IGHMBP2: variants seen among roughly 807,000 people sequenced by gnomAD.
IGHMBP2 encodes immunoglobulin mu DNA binding protein 2.
In IGHMBP2, 81 loss-of-function variants were observed where a neutral mutation model predicts 96.0. The ratio of observed to expected loss-of-function variants is 0.84; its 90% CI spans 0.71 to 1.01. IGHMBP2 has a LOEUF of 1.01. Among genes scored for constraint, IGHMBP2 ranks in the 50% least tolerant of loss-of-function variants. IGHMBP2 has a pLI of 0.00. For missense variants in IGHMBP2, 1,227 were observed against 1,306.3 expected, an observed-to-expected ratio of 0.94 and a Z score of 0.94; for synonymous variants, 557 against 548.9, an observed-to-expected ratio of 1.01 and a Z score of -0.21.
intron 8 of IGHMBP2, among the ~76,000 whole-genome samples, chr11:68,931,346 A>C (rs1405725996): frequency 6.6e-6 from 1 of 152,100 alleles, no homozygotes; most frequent in Non-Finnish European, 1.5e-5. Context: ...CCACCTCAGA[A>C]GAGGCCAGGC....
chr11:68,935,417 G>A lies in IGHMBP2; in HGVS notation c.1751G>A (p.Arg584Lys). 6.2e-7 allele frequency: 1 copy of A among 1,614,002 alleles called. No homozygotes were observed. The highest frequency in any genetic ancestry group is 8.5e-7 in the Non-Finnish European group (1 of 1,180,032). The change falls in exon 12 of 15, where the codon AGG becomes AAG. Residue 584 changes from arginine to lysine, a missense_variant. Arg to Lys is a conservative substitution (Grantham distance 26). Around this residue, in one of 3 missense-constraint regions of IGHMBP2, gnomAD observed 703 missense variants for 770.3 expected, o/e 0.91. Transcript: ENST00000255078. ...ATACTGTCCTTCGTCAGATCCAACA[G>A]GAAAGGTACGGAGCCCTCGCCAGAG... ...AVILSFVRSNRKGEVGFLAED... is the reference protein window; with the variant it reads ...AVILSFVRSNKKGEVGFLAED...
At chr11:68,915,961 G>T (rs1252127841) in intron 6 of IGHMBP2, among the ~76,000 whole-genome samples, 1 of 151,440 alleles carries the variant, frequency 6.6e-6, no homozygotes, top group African/African-American at 2.4e-5. Context: ...AACAGTTGAG[G>T]TCAGGAGTTC....
rs759641927 is a variant in IGHMBP2 at position 68,929,278 on chromosome 11, T to C, written c.1156T>C (p.Trp386Arg). Residue 386 changes from tryptophan to arginine, a missense_variant, in exon 8 of 15, where the codon TGG (tryptophan) becomes CGG (arginine). Trp to Arg is a moderately radical substitution (Grantham distance 101, BLOSUM62 -3). Transcript: ENST00000255078. ...TGCCCAGGCCCTCGAGGCGAGCTGC[T>C]GGATCCCCCTGCTGAAGGCCAGAAA... ...ECAQALEASC[W>R]IPLLKARKCI... 71 of 1,613,726 alleles carry C rather than the reference T, an allele frequency of 4.4e-5. No homozygotes were observed. Among genetic ancestry groups the C allele is most frequent in the Non-Finnish European group, 5.8e-5 (69 of 1,180,026 alleles).
intron 6 of IGHMBP2, 85 bp from the exon 7 acceptor site, chr11:68,917,651 G>C (rs2154007470): frequency 8.9e-7 from 1 of 1,129,566 alleles, no homozygotes; most frequent in South Asian, 1.3e-5. Context: ...GAACTGGACT[G>C]AATGATAGAA....
rs1566446496 is a variant in IGHMBP2, at chr11:68,936,584, C to T, written c.2104C>T (p.Leu702=). 6.2e-7 allele frequency: 1 copy of T among 1,612,538 alleles called. No homozygotes were observed. The change falls in exon 13 of 15, where the codon CTG becomes TTG. Residue 702 remains leucine, a synonymous_variant. Coordinates refer to ENST00000255078, the MANE Select transcript of IGHMBP2 (RefSeq NM_002180.3). ...CCGGAAGAAGCCGGCTGGGAAGTCTCTGGCCTCTGAAGCTCCATCTCAGCC... is the reference window on the plus strand; with the variant it reads ...CCGGAAGAAGCCGGCTGGGAAGTCTTTGGCCTCTGAAGCTCCATCTCAGCC... ...QGRKKPAGKS[L]ASEAPSQPSL...
At chr11:68,937,228 T>G (rs1859582015) in intron 13 of IGHMBP2, 137 bp downstream of exon 13, 5 of 1,138,974 alleles carry the variant, frequency 4.4e-6, no homozygotes, top group Non-Finnish European at 2.5e-6. Context: ...TAGCTTTATT[T>G]TCAGTCATGC....
intron 8 of IGHMBP2, among the ~76,000 whole-genome samples, chr11:68,931,623 G>A (rs959427255): frequency 1.3e-5 from 2 of 152,272 alleles, no homozygotes; most frequent in East Asian, 3.9e-4. Context: ...GCTCCCACTG[G>A]CTTCATGGAG....
Position 68,938,300 on chromosome 11 carries a change from C to G in IGHMBP2, c.2730C>G (p.Gly910=), listed in dbSNP as rs139416105. ...AKCTAGVTTL[G]QFCQLCSRRY... is the part of the protein sequence containing the mutation. ...GCACAGCCGGCGTCACAACCCTGGG[C>G]CAGTTCTGCCAGCTCTGCAGCCGCC... Residue 910 remains glycine, a synonymous_variant, in exon 14 of 15, where the codon GGC becomes GGG. Coordinates refer to ENST00000255078, the MANE Select transcript of IGHMBP2 (RefSeq NM_002180.3). The G allele has an allele frequency of 2.1e-4, 337 of 1,612,802 alleles. 2 individuals are homozygous for G. In the African/African-American group the frequency reaches 4.1e-3, roughly 20 times the overall value.
In IGHMBP2 at chr11:68,932,933, G is replaced by A. The variant is rs1010949393; in HGVS notation, c.1236-366G>A. ...CTTTCCTCTGTCTATGAAGCCAGCC[G>A]TGTTACGTCTTCAAATCTCTCCCCT... On this transcript the variant is annotated intron_variant, in intron 8 of 14. Transcript: ENST00000255078. 1.9e-4 allele frequency: 62 copies of A among 331,958 alleles called. No homozygotes were observed. The Admixed American group carries it at 2.1e-3, about 11-fold the overall frequency. 20.6% of individuals were successfully genotyped at this position (331,958 alleles called of 1,614,324 possible). A position where few individuals can be genotyped will look rare whatever the true frequency, so the allele number is the denominator to read the frequency against.
At chr11:68,923,922 A>T (rs988380557) in intron 7 of IGHMBP2, among the ~76,000 whole-genome samples, 1 of 152,014 alleles carries the variant, frequency 6.6e-6, no homozygotes, top group African/African-American at 2.4e-5. Context: ...GTCGCCACAG[A>T]TTCTCAGCCT....
intron 8 of IGHMBP2, 136 bp from the exon 9 acceptor site, chr11:68,933,163 C>G (rs1385683921): frequency 2.2e-6 from 2 of 901,278 alleles, no homozygotes; most frequent in Non-Finnish European, 3.5e-6. Flanking sequence ...AAACCCGCCC[C>G]TTGGTTACTT....
chr11:68,905,663 T>C (rs1380725722), intron 1 of IGHMBP2, among the ~76,000 whole-genome samples: 1 of 152,210 alleles, frequency 6.6e-6, no homozygotes, highest in African/African-American at 2.4e-5. Flanking sequence ...TGCTTTTGAT[T>C]GGACGTGGAG....
chr11:68,923,959 A>G (rs1414686130), intron 7 of IGHMBP2, among the ~76,000 whole-genome samples: 1 of 152,110 alleles, frequency 6.6e-6, no homozygotes, highest in Admixed American at 6.5e-5. Context: ...GGAGCCTTCT[A>G]GGTTCTACCT....
At chr11:68,919,938 C>T (rs952165052) in intron 7 of IGHMBP2, among the ~76,000 whole-genome samples, 1 of 152,090 alleles carries the variant, frequency 6.6e-6, no homozygotes, top group African/African-American at 2.4e-5. Flanking sequence ...AATTTACCAT[C>T]GTAACCCTTT....
chr11:68,924,043 C>T (rs1352411794), intron 7 of IGHMBP2, among the ~76,000 whole-genome samples: 2 of 152,148 alleles, frequency 1.3e-5, no homozygotes, highest in Non-Finnish European at 2.9e-5. Flanking sequence ...GGCTCACCTC[C>T]TTTGTCTCTC....
rs770912338 is a variant in IGHMBP2 at position 68,929,233 on chromosome 11, G to A, written c.1111G>A (p.Val371Met). The A allele has an allele frequency of 2.9e-5, 47 of 1,613,712 alleles. 1 individual carries two copies. Among genetic ancestry groups the A allele is most frequent in the South Asian group, 3.3e-5 (3 of 91,096 alleles). The change falls in exon 8 of 15, where the codon GTG (valine) becomes ATG (methionine). Residue 371 changes from valine to methionine, a missense_variant. This residue lies in a region of IGHMBP2 where 507 missense variants were observed against 496.9 expected (regional missense o/e 1.02). Coordinates refer to ENST00000255078, the MANE Select transcript of IGHMBP2 (RefSeq NM_002180.3). The part of the protein sequence containing the change: ...LKLLPESYFD[V>M]VVIDECAQAL... ...GTTGCTGCCCGAGAGCTACTTCGAC[G>A]TGGTGGTCATTGACGAGTGTGCCCA... is the stretch of plus-strand genomic sequence containing the variant.
At chr11:68,914,762 G>A (rs1858581140) in intron 5 of IGHMBP2, 61 bp from the exon 6 acceptor site, 5 of 1,554,778 alleles carry the variant, frequency 3.2e-6, no homozygotes, top group Non-Finnish European at 4.4e-6. Context: ...TGTTGTTTTA[G>A]TGTCAACTTC....
At chr11:68,916,773 T>C (rs1858689435) in intron 6 of IGHMBP2, among the ~76,000 whole-genome samples, 1 of 152,108 alleles carries the variant, frequency 6.6e-6, no homozygotes, top group African/African-American at 2.4e-5. Flanking sequence ...GAAGGATAGA[T>C]GCATGTCATG....
chr11:68,904,178 C>T, intron 1 of IGHMBP2, 140 bp downstream of exon 1: 1 of 727,542 alleles, frequency 1.4e-6, no homozygotes, highest in East Asian at 2.7e-5. Flanking sequence ...ATCGTCCGTC[C>T]CCTGCTTGGC....
Sources: allele counts gnomAD v4.1 joint callset (sites outside exome capture counted in the v4.1 genomes callset), GRCh38; gene constraint gnomAD v4.1.1; regional missense constraint gnomAD v4.1.1; transcripts MANE v1.5; gene names NCBI Gene and HGNC (gene_info 2026-07-23, HGNC 2026-07-21).